SDK1: variants seen among roughly 807,000 people sequenced by gnomAD.
SDK1 encodes the protein sidekick cell adhesion molecule 1, also known as protein sidekick-1.
A neutral mutation model predicts 245.5 loss-of-function variants in SDK1; 157 were observed. The observed-to-expected ratio is 0.64, with a 90% CI of 0.56 to 0.73. The LOEUF (loss-of-function observed/expected upper bound fraction) is 0.73. Ranked by LOEUF, SDK1 falls within the 30% of genes least tolerant of loss-of-function variation. The pLI is 0.00. For synonymous variants in SDK1, 1,647 were observed against 1,278.5 expected, an observed-to-expected ratio of 1.29 and a Z score of -6.15; for missense variants, 3,583 against 3,002.3, an observed-to-expected ratio of 1.19 and a Z score of -4.52.
chr7:3,480,537 C>G (rs994918096), intron 1 of SDK1, among the ~76,000 whole-genome samples: 21 of 152,194 alleles, frequency 1.4e-4, no homozygotes, highest in Admixed American at 3.9e-4. Flanking sequence ...AGCTGCCTGC[C>G]CATGGACACT....
At chr7:3,867,793 C>A (rs1780858244) in intron 5 of SDK1, among the ~76,000 whole-genome samples, 1 of 152,132 alleles carries the variant, frequency 6.6e-6, no homozygotes, top group African/African-American at 2.4e-5. Context: ...GGGTAGTGTG[C>A]TTGTTTCTTA....
chr7:3,819,027 T>C lies in SDK1; in HGVS notation c.714-2423T>C, dbSNP rs1268953500. On this transcript the variant is annotated intron_variant, in intron 4 of 44. Coordinates refer to ENST00000404826, the MANE Select transcript of SDK1 (RefSeq NM_152744.4). ...TTTAGTGTCTTTAAATATGGTTTTC[T>C]TCTTAAGGTTTACAGCAGTTACCAG... is the stretch of plus-strand genomic sequence containing the variant. Among the ~76,000 whole-genome samples the C allele has an allele frequency of 3.9e-5, 6 of 152,342 alleles. No individual in the cohort carries two copies. In the South Asian group the frequency reaches 6.2e-4, roughly 16 times the overall value.
At chr7:4,034,971 T>C (rs572046813) in intron 17 of SDK1, among the ~76,000 whole-genome samples, 2 of 152,370 alleles carry the variant, frequency 1.3e-5, no homozygotes, top group Non-Finnish European at 1.5e-5. Flanking sequence ...TTTTATCTAT[T>C]CATAGCACTA....
intron 4 of SDK1, among the ~76,000 whole-genome samples, chr7:3,659,877 A>C (rs2128658988): frequency 6.6e-6 from 1 of 152,294 alleles, no homozygotes; most frequent in Non-Finnish European, 1.5e-5. Context: ...CACAGGGCCA[A>C]AAGAGGGATT....
At chr7:3,909,923 A>G (rs1428791994) in intron 5 of SDK1, among the ~76,000 whole-genome samples, 6 of 152,010 alleles carry the variant, frequency 3.9e-5, no homozygotes, top group African/African-American at 1.4e-4. Context: ...ATGCATCTAC[A>G]CCCCGGGGAA....
At position 4,063,605 on chromosome 7, in the gene SDK1, A is replaced by AAAAAAAAAAAAAAC. The variant is rs1316706124; in HGVS notation, c.2912-4229_2912-4228insAAAAAAAAACAAAA. Among the ~76,000 whole-genome samples, 520 of 151,242 alleles carry AAAAAAAAAAAAAAC rather than the reference A, an allele frequency of 3.4e-3. 1 individual carries two copies. Among genetic ancestry groups the AAAAAAAAAAAAAAC allele is most frequent in the African/African-American group, 0.011 (448 of 40,914 alleles). ...CATTTTCACAGAAATAGCAAAAAAA[A>AAAAAAAAAAAAAAC]AAAACAAAAAACCCCGTAAATTCTT... On this transcript the variant is annotated intron_variant, in intron 19 of 44. Coordinates refer to ENST00000404826, the MANE Select transcript of SDK1 (RefSeq NM_152744.4).
chr7:4,158,348 G>A lies in SDK1; in HGVS notation c.4626-100G>A, dbSNP rs1349770522. ...ACAGGAGCCCAGAGCTCTCAGGGCAGGGGAGGGATTTGCCCCTCTTCCCAG... is the reference window on the plus strand; with the variant it reads ...ACAGGAGCCCAGAGCTCTCAGGGCAAGGGAGGGATTTGCCCCTCTTCCCAG... On this transcript the variant is annotated intron_variant, in intron 30 of 44. Coordinates refer to ENST00000404826, the MANE Select transcript of SDK1 (RefSeq NM_152744.4). 16 of 910,644 alleles carry A rather than the reference G, an allele frequency of 1.8e-5. 1 individual carries two copies. Among genetic ancestry groups the A allele is most frequent in the South Asian group, 1.7e-4 (11 of 66,556 alleles). The allele number at this position is 910,644 out of a possible 1,614,324, so 56.4% of individuals were successfully genotyped here. A position where few individuals can be genotyped will look rare whatever the true frequency, so the allele number is the denominator to read the frequency against.
intron 4 of SDK1, among the ~76,000 whole-genome samples, chr7:3,670,592 G>A (rs549641025): frequency 6.6e-6 from 1 of 152,300 alleles, no homozygotes; most frequent in East Asian, 1.9e-4. Context: ...TGGTAGCACA[G>A]TGACTGACAG....
chr7:3,966,681 C>CT (rs951618331), intron 9 of SDK1, among the ~76,000 whole-genome samples: 176 of 148,552 alleles, frequency 1.2e-3, no homozygotes, highest in Middle Eastern at 3.5e-3. Flanking sequence ...CAATAATTAG[C>CT]TTTTTTTTTT....
intron 22 of SDK1, among the ~76,000 whole-genome samples, chr7:4,082,127 G>GGGAGGGGGCCACCTGA (rs1414026409): frequency 6.6e-6 from 1 of 152,168 alleles, no homozygotes; most frequent in African/African-American, 2.4e-5. Context: ...GACAGTGACT[G>GGGAGGGGGCCACCTGA]GGAGGGGGCC....
At chr7:4,084,593 T>C (rs1259158102) in intron 22 of SDK1, among the ~76,000 whole-genome samples, 1 of 152,160 alleles carries the variant, frequency 6.6e-6, no homozygotes, top group Non-Finnish European at 1.5e-5. Flanking sequence ...AGACAGAACA[T>C]ATTTTCTGAA....
At chr7:3,365,186 T>C (rs903827300) in intron 1 of SDK1, among the ~76,000 whole-genome samples, 1 of 152,162 alleles carries the variant, frequency 6.6e-6, no homozygotes, top group Non-Finnish European at 1.5e-5. Flanking sequence ...AAAAAGTAAA[T>C]TGGAGTGCCT....
In SDK1 at chr7:3,951,249, A is replaced by G. The variant is rs536697186; in HGVS notation, c.959+215A>G. Reference sequence around the variant, plus strand: ...CCACTGCAACAGGGCGGTGCTTTCAATGCAGCTCTGGGTGGTAGTGGGGGG... The same window carrying G: ...CCACTGCAACAGGGCGGTGCTTTCAGTGCAGCTCTGGGTGGTAGTGGGGGG... On this transcript the variant is annotated intron_variant, in intron 6 of 44. Transcript: ENST00000404826. 1.3e-3 allele frequency among the ~76,000 whole-genome samples: 200 copies of G among 152,138 alleles called. 1 individual carries two copies. The highest frequency in any genetic ancestry group is 4.5e-3 in the African/African-American group (187 of 41,500).
At chr7:3,789,693 T>C (rs1268649728) in intron 4 of SDK1, among the ~76,000 whole-genome samples, 1 of 152,068 alleles carries the variant, frequency 6.6e-6, no homozygotes, top group Non-Finnish European at 1.5e-5. Flanking sequence ...CCCATGAAGA[T>C]GATAGAAAGA....
At chr7:3,466,367 C>G (rs1257411369) in intron 1 of SDK1, among the ~76,000 whole-genome samples, 1 of 150,872 alleles carries the variant, frequency 6.6e-6, no homozygotes. Context: ...AGCGTGACAT[C>G]AAGCCATGCT....
intron 5 of SDK1, among the ~76,000 whole-genome samples, chr7:3,834,449 G>C (rs998343907): frequency 6.6e-6 from 1 of 152,170 alleles, no homozygotes; most frequent in Non-Finnish European, 1.5e-5. Flanking sequence ...GCAAGGGAAC[G>C]ATGAATTCTG....
At chr7:3,486,859 A>T (rs1045698971) in intron 1 of SDK1, among the ~76,000 whole-genome samples, 1 of 152,242 alleles carries the variant, frequency 6.6e-6, no homozygotes, top group Non-Finnish European at 1.5e-5. Flanking sequence ...AAGAGGGTGC[A>T]TTACTCTCTG....
chr7:3,946,689 T>C (rs139678601), intron 5 of SDK1, among the ~76,000 whole-genome samples: 129 of 152,260 alleles, frequency 8.5e-4, no homozygotes, highest in African/African-American at 3.0e-3. Flanking sequence ...ATACTCTAGC[T>C]AAGTGAGGAC....
chr7:4,178,390 G>A, intron 34 of SDK1, 95 bp from the exon 35 acceptor site: 2 of 873,092 alleles, frequency 2.3e-6, no homozygotes, highest in Non-Finnish European at 3.9e-6. Flanking sequence ...TCCTTGGAGG[G>A]TGCTCCTTGC....
Sources: gnomAD v4.1 joint callset for allele counts (sites outside exome capture counted in the v4.1 genomes callset) on GRCh38, gnomAD v4.1.1 for gene constraint, MANE v1.5 for transcripts, NCBI Gene and HGNC (gene_info 2026-07-23, HGNC 2026-07-21) for gene names.